ABTB3: variants seen among roughly 807,000 people sequenced by gnomAD.
The protein encoded by ABTB3 is ankyrin repeat and BTB domain containing 3, also known as ankyrin repeat- and BTB/POZ domain-containing protein 3.
At chr12:107,610,229 G>A in the ABTB3 span, 15 of 1,614,036 alleles carry the variant, frequency 9.3e-6, no homozygotes, top group African/African-American at 2.7e-5. Flanking sequence ...AGCTGGATGC[G>A]GTGGCCATCG....
the ABTB3 span, among the ~76,000 whole-genome samples, chr12:107,500,495 G>C: frequency 0.011 from 1,699 of 152,198 alleles, 29 homozygotes; most frequent in African/African-American, 0.039. Context: ...CGCCTCACTT[G>C]GGTTACAAAG....
chr12:107,523,641 G>A, the ABTB3 span, among the ~76,000 whole-genome samples: 1 of 152,152 alleles, frequency 6.6e-6, no homozygotes, highest in Non-Finnish European at 1.5e-5. Flanking sequence ...TGATTTGGGT[G>A]TAATATGTGT....
At chr12:107,357,667 T>C in the ABTB3 span, among the ~76,000 whole-genome samples, 2 of 152,238 alleles carry the variant, frequency 1.3e-5, no homozygotes, top group African/African-American at 4.8e-5. Context: ...CTGACCCTTC[T>C]CTGTTACTCT....
At chr12:107,434,307 C>A in the ABTB3 span, among the ~76,000 whole-genome samples, 1 of 152,174 alleles carries the variant, frequency 6.6e-6, no homozygotes, top group Non-Finnish European at 1.5e-5. Context: ...CACAAGAAGG[C>A]TGATAGGTAA....
chr12:107,358,579 G>A, the ABTB3 span, among the ~76,000 whole-genome samples: 2 of 150,012 alleles, frequency 1.3e-5, no homozygotes, highest in South Asian at 4.3e-4. Context: ...AACTCTGGGG[G>A]TGGGGTCCAC....
chr12:107,500,235 G>C, the ABTB3 span, among the ~76,000 whole-genome samples: 316 of 152,290 alleles, frequency 2.1e-3, 2 homozygotes, highest in African/African-American at 7.2e-3. Flanking sequence ...AGTGACCACT[G>C]GTGAGGGAAG....
At chr12:107,588,531 G>C in the ABTB3 span, among the ~76,000 whole-genome samples, 2 of 152,090 alleles carry the variant, frequency 1.3e-5, no homozygotes, top group African/African-American at 2.4e-5. Context: ...TTTTTTGTTT[G>C]TTTGTTTGAG....
chr12:107,404,904 C>A, the ABTB3 span, among the ~76,000 whole-genome samples: 1 of 152,182 alleles, frequency 6.6e-6, no homozygotes, highest in Admixed American at 6.5e-5. Flanking sequence ...CTCATAGCCT[C>A]CTACAGGGAA....
chr12:107,459,270 T>A, the ABTB3 span, among the ~76,000 whole-genome samples: 2 of 152,210 alleles, frequency 1.3e-5, no homozygotes, highest in African/African-American at 4.8e-5. Flanking sequence ...CCAGAAAATC[T>A]GAATTCAGAG....
the ABTB3 span, among the ~76,000 whole-genome samples, chr12:107,373,207 G>A: frequency 6.6e-6 from 1 of 152,206 alleles, no homozygotes; most frequent in African/African-American, 2.4e-5. Context: ...TTGGCTGGCG[G>A]TGCTCCTACT....
chr12:107,337,090 G>A, the ABTB3 span, among the ~76,000 whole-genome samples: 31,191 of 152,226 alleles, frequency 0.2, 3,734 homozygotes, highest in East Asian at 0.35. Flanking sequence ...ATGGCACCTC[G>A]TTCTAATCCA....
chr12:107,462,468 G>A, the ABTB3 span, among the ~76,000 whole-genome samples: 1 of 152,188 alleles, frequency 6.6e-6, no homozygotes, highest in African/African-American at 2.4e-5. Context: ...CAATGGGAAT[G>A]GTGATGGTGA....
the ABTB3 span, among the ~76,000 whole-genome samples, chr12:107,614,436 G>A: frequency 2.0e-5 from 3 of 152,222 alleles, no homozygotes; most frequent in African/African-American, 7.2e-5. Flanking sequence ...TCCATCAGAT[G>A]AGTGATGGAC....
the ABTB3 span, among the ~76,000 whole-genome samples, chr12:107,406,765 C>T: frequency 6.6e-6 from 1 of 152,124 alleles, no homozygotes; most frequent in East Asian, 1.9e-4. Flanking sequence ...AAATAAAACG[C>T]AAAATATAAA....
At chr12:107,455,042 T>C in the ABTB3 span, among the ~76,000 whole-genome samples, 1 of 152,216 alleles carries the variant, frequency 6.6e-6, no homozygotes, top group South Asian at 2.1e-4. Flanking sequence ...GAAGAGACAT[T>C]GCTATTATGG....
At chr12:107,328,350 G>T in the ABTB3 span, among the ~76,000 whole-genome samples, 16 of 152,282 alleles carry the variant, frequency 1.1e-4, no homozygotes, top group African/African-American at 3.9e-4. Context: ...AATGTGAAAC[G>T]TTGATCCTAG....
chr12:107,641,665 G>A, the ABTB3 span, among the ~76,000 whole-genome samples: 12 of 152,218 alleles, frequency 7.9e-5, no homozygotes, highest in Admixed American at 6.5e-4. Context: ...ATGTGGGGAT[G>A]TAGCAAAGAC....
the ABTB3 span, among the ~76,000 whole-genome samples, chr12:107,585,137 T>C: frequency 6.6e-6 from 1 of 152,194 alleles, no homozygotes; most frequent in Non-Finnish European, 1.5e-5. Context: ...AGAGGCCGTT[T>C]TTCTGCTCTG....
the ABTB3 span, chr12:107,615,184 C>A: frequency 1.3e-6 from 2 of 1,582,406 alleles, no homozygotes; most frequent in South Asian, 2.2e-5. Flanking sequence ...TTTCCCTATC[C>A]ACATCTGACT....
Sources: gnomAD v4.1 joint callset for allele counts (sites outside exome capture counted in the v4.1 genomes callset) on GRCh38, gnomAD v4.1.1 for gene constraint, MANE v1.5 for transcripts, NCBI Gene and HGNC (gene_info 2026-07-23, HGNC 2026-07-21) for gene names.